The following WDR33 variants were observed in gnomAD, a reference collection of about 807,000 sequenced individuals.
WDR33 encodes the protein WD repeat domain 33.
Under a neutral mutation model 164.9 loss-of-function variants are expected in WDR33, and 47 were observed. That is an observed-to-expected ratio of 0.29 (90% CI 0.23 to 0.36). The LOEUF is 0.36. Among genes scored for constraint, WDR33 ranks in the 10% least tolerant of loss-of-function variants. WDR33 has a pLI of 1.00. For synonymous variants in WDR33, 505 were observed against 589.0 expected (o/e 0.86, Z 2.06); for missense variants, 1,137 against 1,754.1 (o/e 0.65, Z 6.28).
chr2:127,799,883 C>T (rs759872985), intron 1 of WDR33, among the ~76,000 whole-genome samples: 15 of 152,128 alleles, frequency 9.9e-5, no homozygotes, highest in Non-Finnish European at 1.9e-4. Flanking sequence ...CAGAGTGAGA[C>T]CCCGTCTCTA....
In WDR33 at chr2:127,723,982, T is replaced by C. The variant is rs1330030219; in HGVS notation, c.1196+351A>G. 6.6e-6 allele frequency among the ~76,000 whole-genome samples: 1 copy of C among 151,832 alleles called. No individual in the cohort carries two copies. The highest frequency in any genetic ancestry group is 1.5e-5 in the Non-Finnish European group (1 of 67,940). ...GTCTCAGCTACTCAGGAGGCTGAGGTAGGAGGATCACCTGAGCCCAGGAAG... is the reference window on the plus strand; with the variant it reads ...GTCTCAGCTACTCAGGAGGCTGAGGCAGGAGGATCACCTGAGCCCAGGAAG... On this transcript the variant is annotated intron_variant, in intron 11 of 21. Coordinates refer to ENST00000322313, the MANE Select transcript of WDR33 (RefSeq NM_018383.5). The surrounding 1 kb of genome is among the most constrained non-coding windows in gnomAD (Gnocchi z 5.9).
chr2:127,711,592 A>G (rs1436194622), intron 18 of WDR33, among the ~76,000 whole-genome samples: 2 of 150,064 alleles, frequency 1.3e-5, no homozygotes, highest in African/African-American at 2.5e-5. Context: ...AAACACTGGG[A>G]GCCCTTACGT....
At chr2:127,804,499 G>A (rs529379120) in intron 1 of WDR33, among the ~76,000 whole-genome samples, 7 of 152,144 alleles carry the variant, frequency 4.6e-5, no homozygotes, top group East Asian at 1.9e-4. Flanking sequence ...AGAGAAGTGC[G>A]GAGAAGTGCA....
intron 4 of WDR33, among the ~76,000 whole-genome samples, chr2:127,766,187 TG>T (rs34693022): frequency 0.042 from 6,396 of 152,266 alleles, 399 homozygotes; most frequent in African/African-American, 0.14. Flanking sequence ...GTTTCTATGA[TG>T]GATCACACAC....
At chr2:127,802,368 G>A (rs1282999324) in intron 1 of WDR33, among the ~76,000 whole-genome samples, 6 of 152,054 alleles carry the variant, frequency 3.9e-5, no homozygotes, top group Admixed American at 2.6e-4. Flanking sequence ...TTCAGCCTCC[G>A]TCTCCTGGGT....
At position 127,770,634 on chromosome 2, in the gene WDR33, T is replaced by C. The variant is rs1687970559; in HGVS notation, c.204+144A>G. ...TGAACCCGGGAGGCAGAGGTTGCAG[T>C]GAGCCAAAACCACACCACTGCACTC... On this transcript the variant is annotated intron_variant, in intron 2 of 21. Transcript: ENST00000322313. The surrounding 1 kb of genome is among the most constrained non-coding windows in gnomAD (Gnocchi z 4.9). 4.2e-6 allele frequency: 2 copies of C among 478,344 alleles called. No individual in the cohort carries two copies. The highest frequency in any genetic ancestry group is 5.5e-5 in the East Asian group (1 of 18,024). 29.6% of individuals were successfully genotyped at this position (478,344 alleles called of 1,614,324 possible). A position where few individuals can be genotyped will look rare whatever the true frequency, so the allele number is the denominator to read the frequency against.
intron 1 of WDR33, among the ~76,000 whole-genome samples, chr2:127,796,079 T>C (rs1689029484): frequency 6.6e-6 from 1 of 151,032 alleles, no homozygotes; most frequent in South Asian, 2.1e-4. Context: ...TGTTAATTTT[T>C]TTTTTTTTTT....
chr2:127,768,173 C>A lies in WDR33; in HGVS notation c.378+16G>T, dbSNP rs761559409. ...CAGGATTAATTTTCCCCCAAAATAT[C>A]CAACAGATTACTTACCCTAACAACA... On this transcript the variant is annotated intron_variant, in intron 4 of 21. Transcript: ENST00000322313. The A allele has an allele frequency of 1.6e-4, 238 of 1,464,284 alleles. No individual in the cohort carries two copies. The highest frequency in any genetic ancestry group is 2.1e-4 in the Non-Finnish European group (226 of 1,087,746). The allele number at this position is 1,464,284 out of a possible 1,614,324, so 90.7% of individuals were successfully genotyped here. A position where few individuals can be genotyped will look rare whatever the true frequency, so the allele number is the denominator to read the frequency against.
Position 127,735,897 on chromosome 2 carries a change from T to C in WDR33, c.725-9120A>G. The stretch of plus-strand genomic sequence containing the variant: ...ACTATTAGTCATCTTTGTTGTCCAG[T>C]CTAGAAAGTTACATCAGTGAAAAAC... On this transcript the variant is annotated intron_variant, in intron 7 of 21. Coordinates refer to ENST00000322313, the MANE Select transcript of WDR33 (RefSeq NM_018383.5). The surrounding 1 kb of genome is among the most constrained non-coding windows in gnomAD (Gnocchi z 4.3). The C allele has an allele frequency of 2.0e-6, 2 of 985,438 alleles. No homozygotes were observed. Among genetic ancestry groups the C allele is most frequent in the South Asian group, 4.7e-5 (1 of 21,290 alleles). The allele number at this position is 985,438 out of a possible 1,614,324, so 61.0% of individuals were successfully genotyped here.
rs934634414 is a variant in WDR33, at chr2:127,764,248, G to C, written c.626+580C>G. Reference sequence around the variant, plus strand: ...AGTGAATCAGAAGAAAAGTCCTAGAGTCTTCTTGACAATGATCTGCTTACA... The same window carrying C: ...AGTGAATCAGAAGAAAAGTCCTAGACTCTTCTTGACAATGATCTGCTTACA... On this transcript the variant is annotated intron_variant, in intron 6 of 21. Coordinates refer to ENST00000322313, the MANE Select transcript of WDR33 (RefSeq NM_018383.5). The surrounding 1 kb of genome is among the most constrained non-coding windows in gnomAD (Gnocchi z 6.2). 7 of 1,174,146 alleles carry C rather than the reference G, an allele frequency of 6.0e-6. No homozygotes were observed. Among genetic ancestry groups the C allele is most frequent in the Non-Finnish European group, 7.4e-6 (7 of 950,190 alleles). The allele number at this position is 1,174,146 out of a possible 1,614,324, so 72.7% of individuals were successfully genotyped here.
intron 1 of WDR33, among the ~76,000 whole-genome samples, chr2:127,791,127 T>C (rs533326888): frequency 2.7e-5 from 4 of 150,872 alleles, no homozygotes; most frequent in South Asian, 4.2e-4. Context: ...CTTCTATAAA[T>C]AGCAAAAGTA....
At chr2:127,740,470 G>A (rs74398455) in intron 7 of WDR33, among the ~76,000 whole-genome samples, 11,556 of 152,202 alleles carry the variant, frequency 0.076, 459 homozygotes, top group Non-Finnish European at 0.092. Context: ...GCTTGAGCCC[G>A]GGAGGTCAAG....
In WDR33 at chr2:127,713,499, A is replaced by G. The variant is rs1686226840; in HGVS notation, c.3308+84T>C. 1 of 1,456,786 alleles carries G rather than the reference A, an allele frequency of 6.9e-7. No homozygotes were observed. Among genetic ancestry groups the G allele is most frequent in the Non-Finnish European group, 9.4e-7 (1 of 1,067,650 alleles). 90.2% of individuals were successfully genotyped at this position (1,456,786 alleles called of 1,614,324 possible). On this transcript the variant is annotated intron_variant, in intron 18 of 21. Coordinates refer to ENST00000322313, the MANE Select transcript of WDR33 (RefSeq NM_018383.5). The surrounding 1 kb of genome is among the most constrained non-coding windows in gnomAD (Gnocchi z 6.2). Reference sequence around the variant, plus strand: ...ATTGATATAATTCTCTTTCCTCAAGAAAAAGAAGAAAGAGACCTTTGTGGA... The same window carrying G: ...ATTGATATAATTCTCTTTCCTCAAGGAAAAGAAGAAAGAGACCTTTGTGGA...
chr2:127,796,214 C>T (rs1244368220), intron 1 of WDR33, among the ~76,000 whole-genome samples: 6 of 151,566 alleles, frequency 4.0e-5, no homozygotes, highest in African/African-American at 1.5e-4. Context: ...TGGGACTATA[C>T]AGCATGTGCC....
In WDR33 at chr2:127,763,994, G is replaced by A. The variant is rs571957135; in HGVS notation, c.626+834C>T. 3.0e-4 allele frequency: 297 copies of A among 986,114 alleles called. No homozygotes were observed. The highest frequency in any genetic ancestry group is 1.2e-3 in the South Asian group (25 of 21,314). 61.1% of individuals were successfully genotyped at this position (986,114 alleles called of 1,614,324 possible). A position where few individuals can be genotyped will look rare whatever the true frequency, so the allele number is the denominator to read the frequency against. ...AAAGTATGAACAAATGACTACAGTG[G>A]ATGATGTTTCCATAAAGATGTCAAC... On this transcript the variant is annotated intron_variant, in intron 6 of 21. Coordinates refer to ENST00000322313, the MANE Select transcript of WDR33 (RefSeq NM_018383.5). The surrounding 1 kb of genome is among the most constrained non-coding windows in gnomAD (Gnocchi z 4.5).
rs1448644793 is a variant in WDR33, at chr2:127,703,087, CTTAAT to C, written c.*3231_*3235del. Reference sequence around the variant, plus strand: ...AGGTTCAGCAGTTACTTTTAACTACCTTAATTTATTGCCAGAAGGTATGAGCCTAA... The same window carrying C: ...AGGTTCAGCAGTTACTTTTAACTACCTTATTGCCAGAAGGTATGAGCCTAA... On this transcript the variant is annotated 3_prime_UTR_variant, in exon 22 of 22. Transcript: ENST00000322313. 6.0e-6 allele frequency: 1 copy of C among 167,006 alleles called. No homozygotes were observed. The highest frequency in any genetic ancestry group is 1.9e-4 in the East Asian group (1 of 5,204). 10.3% of individuals were successfully genotyped at this position (167,006 alleles called of 1,614,324 possible).
intron 17 of WDR33, among the ~76,000 whole-genome samples, chr2:127,715,088 C>CTTTTTTTTTTTTTTTT (rs386391178): frequency 9.2e-5 from 10 of 108,574 alleles, no homozygotes; most frequent in Non-Finnish European, 1.3e-4. Flanking sequence ...TTCTTTGTTT[C>CTTTTTTTTTTTTTTTT]TTTTTTTTTT....
chr2:127,788,820 C>G (rs1409516922), intron 1 of WDR33, among the ~76,000 whole-genome samples: 21 of 147,536 alleles, frequency 1.4e-4, no homozygotes, highest in East Asian at 2.1e-4. Context: ...ACCTCCCTCC[C>G]GGACGGGGTG....
intron 7 of WDR33, among the ~76,000 whole-genome samples, chr2:127,746,940 T>C (rs749022055): frequency 3.3e-5 from 5 of 152,196 alleles, no homozygotes; most frequent in African/African-American, 4.8e-5. Context: ...CACAGTAAAC[T>C]GGTACTATTC....
Sources: gnomAD v4.1 joint callset for allele counts (sites outside exome capture counted in the v4.1 genomes callset) on GRCh38, gnomAD v4.1.1 for gene constraint, Gnocchi (gnomAD v3.1) non-coding constraint, MANE v1.5 for transcripts, NCBI Gene and HGNC (gene_info 2026-07-23, HGNC 2026-07-21) for gene names.